HDAC1: variants seen among roughly 807,000 people sequenced by gnomAD.
HDAC1 encodes the protein protein deacetylase HDAC1.
In HDAC1, 18 loss-of-function variants were observed where a neutral mutation model predicts 65.5. The ratio of observed to expected loss-of-function variants is 0.27; its 90% CI spans 0.19 to 0.41. The LOEUF (loss-of-function observed/expected upper bound fraction) is 0.41, where lower values mean the gene tolerates loss of function less well. Among genes scored for constraint, HDAC1 ranks in the 10% least tolerant of loss-of-function variants. The pLI, the probability that HDAC1 is intolerant of heterozygous loss-of-function variation, is 1.00. For synonymous variants in HDAC1, 211 were observed against 227.9 expected (o/e 0.93, Z 0.67); for missense variants, 373 against 625.2 (o/e 0.60, Z 4.30).
intron 3 of HDAC1, among the ~76,000 whole-genome samples, chr1:32,317,477 A>G (rs1641079988): frequency 6.6e-6 from 1 of 152,210 alleles, no homozygotes; most frequent in Non-Finnish European, 1.5e-5. Flanking sequence ...GTATAACAGC[A>G]CTGTCCAGAA....
chr1:32,314,106 T>C (rs1641026278), intron 2 of HDAC1, among the ~76,000 whole-genome samples: 1 of 152,226 alleles, frequency 6.6e-6, no homozygotes, highest in Non-Finnish European at 1.5e-5. Flanking sequence ...CTTGCAATTT[T>C]AACTTTGCAT....
intron 1 of HDAC1, among the ~76,000 whole-genome samples, chr1:32,299,353 A>G (rs1640814692): frequency 6.6e-6 from 1 of 152,066 alleles, no homozygotes; most frequent in South Asian, 2.1e-4. Flanking sequence ...AAGGCTGATC[A>G]GGAGTTTGAA....
intron 1 of HDAC1, among the ~76,000 whole-genome samples, chr1:32,301,804 AGTT>A (rs1019630883): frequency 3.3e-5 from 5 of 152,166 alleles, no homozygotes; most frequent in Non-Finnish European, 7.3e-5. Flanking sequence ...AGTCTTCTGA[AGTT>A]ATTATTATTA....
In HDAC1 at chr1:32,331,552, A is replaced by G; in HGVS notation, c.1058A>G (p.Gln353Arg). The G allele has an allele frequency of 6.2e-7, 1 of 1,611,894 alleles. No individual in the cohort carries two copies. Among genetic ancestry groups the G allele is most frequent in the Non-Finnish European group, 8.5e-7 (1 of 1,177,942 alleles). Reference sequence around the variant, plus strand: ...ATCAGTCCTTCCAATATGACTAACCAGAACACGAATGAGTACCTGGAGAAG... The same window carrying G: ...ATCAGTCCTTCCAATATGACTAACCGGAACACGAATGAGTACCTGGAGAAG... ...LHISPSNMTNQNTNEYLEKIK... is the reference protein window; with the variant it reads ...LHISPSNMTNRNTNEYLEKIK... The change falls in exon 10 of 14, where the codon CAG becomes CGG. Residue 353 changes from glutamine to arginine, a missense_variant. Gln to Arg is a conservative substitution (Grantham distance 43). This residue lies in a region of HDAC1 where 105 missense variants were observed against 192.6 expected (regional missense o/e 0.55). Coordinates refer to ENST00000373548, the MANE Select transcript of HDAC1 (RefSeq NM_004964.3). The surrounding 1 kb of genome is among the most constrained non-coding windows in gnomAD (Gnocchi z 4.2).
chr1:32,308,293 T>G (rs1640938477), intron 2 of HDAC1, among the ~76,000 whole-genome samples: 1 of 152,168 alleles, frequency 6.6e-6, no homozygotes, highest in Non-Finnish European at 1.5e-5. Context: ...CACTCCAGCC[T>G]GGGCAACAAG....
rs1641275578 is a variant in HDAC1, at chr1:32,330,416, G to A, written c.730-162G>A. 7.7e-6 allele frequency: 5 copies of A among 645,844 alleles called. No individual in the cohort carries two copies. Among genetic ancestry groups the A allele is most frequent in the South Asian group, 5.4e-5 (3 of 55,668 alleles). 40.0% of individuals were successfully genotyped at this position (645,844 alleles called of 1,614,324 possible). A position where few individuals can be genotyped will look rare whatever the true frequency, so the allele number is the denominator to read the frequency against. Reference sequence around the variant, plus strand: ...AATTGGAAAATTGAAATCCCAAGTGGGCAAGCAAGGGCTCCAGCCTAGCAC... The same window carrying A: ...AATTGGAAAATTGAAATCCCAAGTGAGCAAGCAAGGGCTCCAGCCTAGCAC... On this transcript the variant is annotated intron_variant, in intron 7 of 13. Coordinates refer to ENST00000373548, the MANE Select transcript of HDAC1 (RefSeq NM_004964.3). This position sits in a 1 kb window ranked among gnomAD's most constrained non-coding sequence, Gnocchi z 4.2.
At chr1:32,320,539 A>T (rs894735163) in intron 3 of HDAC1, among the ~76,000 whole-genome samples, 1 of 152,184 alleles carries the variant, frequency 6.6e-6, no homozygotes, top group African/African-American at 2.4e-5. Flanking sequence ...AGGTGATGGT[A>T]GAATGCAGAA....
chr1:32,332,221 A>G lies in HDAC1; in HGVS notation c.1351A>G (p.Lys451Glu), dbSNP rs563287902. The G allele has an allele frequency of 5.6e-6, 9 of 1,612,972 alleles. No individual in the cohort carries two copies. Among genetic ancestry groups the G allele is most frequent in the Admixed American group, 1.7e-5 (1 of 59,766 alleles). Residue 451 changes from lysine (K) to glutamate (E), a missense_variant, in exon 12 of 14, where the codon AAA (lysine) becomes GAA (glutamate). Lys to Glu is a moderately conservative substitution (Grantham distance 56). This residue lies in a region of HDAC1 where 126 missense variants were observed against 126.2 expected (regional missense o/e 1.00). Transcript: ENST00000373548. ...KRVKTEDEKE[K>E]DPEEKKEVTE... ...AGTCAAAACAGAGGATGAAAAAGAGAAAGACCCAGAGGAGAAGAAAGGTGG... is the reference window on the plus strand; with the variant it reads ...AGTCAAAACAGAGGATGAAAAAGAGGAAGACCCAGAGGAGAAGAAAGGTGG...
chr1:32,318,328 G>A lies in HDAC1; in HGVS notation c.280+1546G>A, dbSNP rs548038973. 1.4e-4 allele frequency among the ~76,000 whole-genome samples: 21 copies of A among 152,314 alleles called. No individual in the cohort carries two copies. In the South Asian group the frequency reaches 3.9e-3, roughly 29 times the overall value. On this transcript the variant is annotated intron_variant, in intron 3 of 13. Transcript: ENST00000373548. ...TCCTAGCACTTTGGGAGCCCAAGGT[G>A]GGAGGATTGCTTGAGCCCAGCCAGG... is the stretch of plus-strand genomic sequence containing the variant.
intron 2 of HDAC1, among the ~76,000 whole-genome samples, chr1:32,306,959 T>A (rs1640919267): frequency 6.6e-6 from 1 of 152,156 alleles, no homozygotes; most frequent in African/African-American, 2.4e-5. Context: ...AGAAGATTCA[T>A]TCCTGGCCGG....
Position 32,331,397 on chromosome 1 carries a change from C to T in HDAC1, c.980-77C>T, listed in dbSNP as rs906290143. The T allele has an allele frequency of 7.3e-6, 6 of 827,102 alleles. No individual in the cohort carries two copies. Among genetic ancestry groups the T allele is most frequent in the Non-Finnish European group, 1.3e-5 (6 of 475,980 alleles). 51.2% of individuals were successfully genotyped at this position (827,102 alleles called of 1,614,324 possible). A position where few individuals can be genotyped will look rare whatever the true frequency, so the allele number is the denominator to read the frequency against. On this transcript the variant is annotated intron_variant, in intron 9 of 13. Transcript: ENST00000373548. This position sits in a 1 kb window ranked among gnomAD's most constrained non-coding sequence, Gnocchi z 4.2. ...ATAGGCCCAGAGAAACCTACAAATG[C>T]TTTAGGGTGCTTACGTGCAAATGGT...
chr1:32,310,987 G>A (rs1342945965), intron 2 of HDAC1, among the ~76,000 whole-genome samples: 2 of 152,140 alleles, frequency 1.3e-5, no homozygotes, highest in Non-Finnish European at 2.9e-5. Context: ...AACTCTGCCT[G>A]TAGTATTCAG....
intron 2 of HDAC1, among the ~76,000 whole-genome samples, chr1:32,315,539 G>A (rs1478483836): frequency 4.0e-5 from 6 of 151,124 alleles, no homozygotes; most frequent in Non-Finnish European, 4.4e-5. Flanking sequence ...TTTTAGTAGA[G>A]ACCAGATTTC....
chr1:32,294,054 C>A (rs891158085), intron 1 of HDAC1, among the ~76,000 whole-genome samples: 1 of 147,542 alleles, frequency 6.8e-6, no homozygotes, highest in African/African-American at 2.5e-5. Context: ...GGCAACAGAG[C>A]GAGACTTCGT....
At chr1:32,294,509 C>CTTTT (rs533642905) in intron 1 of HDAC1, among the ~76,000 whole-genome samples, 1 of 125,514 alleles carries the variant, frequency 8.0e-6, no homozygotes, top group Non-Finnish European at 1.7e-5. Flanking sequence ...CAGTTGATAA[C>CTTTT]TTTTTTTTTT....
chr1:32,313,137 C>T (rs898397410), intron 2 of HDAC1, among the ~76,000 whole-genome samples: 1 of 151,052 alleles, frequency 6.6e-6, no homozygotes, highest in African/African-American at 2.4e-5. Flanking sequence ...GCTTTGTTGC[C>T]CAGGCTGGAA....
intron 2 of HDAC1, among the ~76,000 whole-genome samples, chr1:32,305,447 T>G (rs927061384): frequency 6.6e-6 from 1 of 152,176 alleles, no homozygotes; most frequent in Non-Finnish European, 1.5e-5. Flanking sequence ...TGTAGGAGAA[T>G]TGCAGTTGCT....
At chr1:32,314,796 A>T (rs1301343505) in intron 2 of HDAC1, among the ~76,000 whole-genome samples, 1 of 149,874 alleles carries the variant, frequency 6.7e-6, no homozygotes, top group Admixed American at 6.7e-5. Context: ...ACTGCACTCC[A>T]GCCTGGGCGA....
chr1:32,306,979 C>G (rs1362769804), intron 2 of HDAC1, among the ~76,000 whole-genome samples: 1 of 152,138 alleles, frequency 6.6e-6, no homozygotes, highest in Admixed American at 6.6e-5. Context: ...GGCGTGGTGG[C>G]TCATGTCTGT....
Sources: gnomAD v4.1 joint callset for allele counts (sites outside exome capture counted in the v4.1 genomes callset) on GRCh38, gnomAD v4.1.1 for gene constraint, gnomAD v4.1.1 regional missense constraint, Gnocchi (gnomAD v3.1) non-coding constraint, MANE v1.5 for transcripts, NCBI Gene and HGNC (gene_info 2026-07-23, HGNC 2026-07-21) for gene names.